The following HNF4G variants were observed in gnomAD, a reference collection of about 807,000 sequenced individuals.
HNF4G encodes the protein hepatocyte nuclear factor 4-gamma.
In HNF4G, 21 loss-of-function variants were observed where a neutral mutation model predicts 50.9. That is an observed-to-expected ratio of 0.41 (90% CI 0.29 to 0.59). The LOEUF (loss-of-function observed/expected upper bound fraction) is 0.59. Ranked by LOEUF, HNF4G falls within the 20% of genes least tolerant of loss-of-function variation. The pLI, the probability that HNF4G is intolerant of heterozygous loss-of-function variation, is 0.26. For missense variants in HNF4G, 527 were observed against 559.4 expected (o/e 0.94, Z 0.58); for synonymous variants, 198 against 185.6 (o/e 1.07, Z -0.54).
chr8:75,490,652 G>A (rs1285474791), intron 2 of HNF4G, among the ~76,000 whole-genome samples: 2 of 152,048 alleles, frequency 1.3e-5, no homozygotes, highest in African/African-American at 4.8e-5. Flanking sequence ...TAGAGTCAAT[G>A]TTCTGAAAAA....
At chr8:75,523,580 T>C (rs1806103019) in intron 2 of HNF4G, among the ~76,000 whole-genome samples, 1 of 152,158 alleles carries the variant, frequency 6.6e-6, no homozygotes, top group Non-Finnish European at 1.5e-5. Context: ...ATGTGAGTCA[T>C]TTTAGTGTAC....
chr8:75,436,162 T>C (rs1056601102), intron 1 of HNF4G, among the ~76,000 whole-genome samples: 14 of 152,182 alleles, frequency 9.2e-5, no homozygotes, highest in Admixed American at 5.2e-4. Context: ...AGAAGACAAA[T>C]AAATTAAAAA....
intron 1 of HNF4G, among the ~76,000 whole-genome samples, chr8:75,464,646 T>C (rs997741928): frequency 6.6e-6 from 1 of 152,230 alleles, no homozygotes; most frequent in Non-Finnish European, 1.5e-5. Flanking sequence ...ATTTTGCTTA[T>C]GTATTATTGT....
intron 1 of HNF4G, among the ~76,000 whole-genome samples, chr8:75,463,286 A>G (rs1328117421): frequency 1.3e-5 from 2 of 152,066 alleles, no homozygotes; most frequent in South Asian, 2.1e-4. Context: ...CCAACCTCAT[A>G]TTATAGGAAA....
In HNF4G at chr8:75,565,379, GATAAA is replaced by G. The variant is rs1807433158; in HGVS notation, c.*1290_*1294del. On this transcript the variant is annotated 3_prime_UTR_variant, in exon 10 of 10. Coordinates refer to ENST00000396423, the MANE Select transcript of HNF4G (RefSeq NM_004133.5). Reference sequence around the variant, plus strand: ...ACCAGACTTTCTCTTAAAAACATTAGATAAAATAAAAGATTCACCGGATGGATTCT... The same window carrying G: ...ACCAGACTTTCTCTTAAAAACATTAGATAAAAGATTCACCGGATGGATTCT... 1 of 152,062 alleles carries G rather than the reference GATAAA, an allele frequency of 6.6e-6. No homozygotes were observed. The highest frequency in any genetic ancestry group is 6.6e-5 in the Admixed American group (1 of 15,240). 9.4% of individuals were successfully genotyped at this position (152,062 alleles called of 1,614,324 possible). A position where few individuals can be genotyped will look rare whatever the true frequency, so the allele number is the denominator to read the frequency against.
chr8:75,423,639 C>T (rs567500031), intron 1 of HNF4G, among the ~76,000 whole-genome samples: 96 of 151,904 alleles, frequency 6.3e-4, no homozygotes, highest in African/African-American at 2.2e-3. Context: ...GCCTGCCCAC[C>T]TTGGGCTCCC....
At chr8:75,490,988 A>T (rs1812616325) in intron 2 of HNF4G, among the ~76,000 whole-genome samples, 1 of 152,140 alleles carries the variant, frequency 6.6e-6, no homozygotes, top group Admixed American at 6.6e-5. Context: ...AGTGCCTCTT[A>T]TAGTTTGGAA....
chr8:75,463,851 C>T (rs1377409790), intron 1 of HNF4G, among the ~76,000 whole-genome samples: 1 of 150,940 alleles, frequency 6.6e-6, no homozygotes, highest in African/African-American at 2.4e-5. Flanking sequence ...CTTGGCTCAC[C>T]ACACTCTCCA....
intron 1 of HNF4G, among the ~76,000 whole-genome samples, chr8:75,449,669 G>A (rs1441575310): frequency 6.6e-6 from 1 of 151,680 alleles, no homozygotes. Flanking sequence ...ACCACGCCAG[G>A]CTAATTTTTT....
Position 75,558,891 on chromosome 8 carries a change from A to G in HNF4G, c.977A>G (p.Tyr326Cys). 6.2e-7 allele frequency: 1 copy of G among 1,614,024 alleles called. No individual in the cohort carries two copies. The highest frequency in any genetic ancestry group is 8.5e-7 in the Non-Finnish European group (1 of 1,179,922). ...GAGGACTACATCAATGATCGGCAGTATGACTCCCGGGGGAGGTTTGGAGAG... is the reference window on the plus strand; with the variant it reads ...GAGGACTACATCAATGATCGGCAGTGTGACTCCCGGGGGAGGTTTGGAGAG... ...GLEDYINDRQYDSRGRFGELL... is the reference protein window; with the variant it reads ...GLEDYINDRQCDSRGRFGELL... Residue 326 changes from tyrosine to cysteine, a missense_variant, in exon 8 of 10, where the codon TAT becomes TGT. Transcript: ENST00000396423.
chr8:75,409,861 A>G (rs1810459307), intron 1 of HNF4G, among the ~76,000 whole-genome samples: 1 of 152,062 alleles, frequency 6.6e-6, no homozygotes, highest in Non-Finnish European at 1.5e-5. Flanking sequence ...ACAACATCAA[A>G]ATCGTAGTAA....
intron 1 of HNF4G, among the ~76,000 whole-genome samples, chr8:75,426,133 T>C (rs554072535): frequency 6.6e-6 from 1 of 152,228 alleles, no homozygotes; most frequent in Non-Finnish European, 1.5e-5. Flanking sequence ...TTTCTTTCCG[T>C]ATAAGCTTAC....
intron 1 of HNF4G, among the ~76,000 whole-genome samples, chr8:75,431,407 A>G (rs1027196535): frequency 1.3e-5 from 2 of 152,234 alleles, no homozygotes; most frequent in Non-Finnish European, 2.9e-5. Flanking sequence ...ACGGCTTGAT[A>G]TAGTGAAATC....
upstream of HNF4G, among the ~76,000 whole-genome samples, chr8:75,534,880 A>G (rs1325167335): frequency 6.6e-6 from 1 of 151,864 alleles, no homozygotes; most frequent in Non-Finnish European, 1.5e-5. Flanking sequence ...TAATAAAACT[A>G]TGTAAGCAAA....
intron 1 of HNF4G, among the ~76,000 whole-genome samples, chr8:75,409,119 G>A (rs1810432509): frequency 2.0e-5 from 3 of 152,166 alleles, no homozygotes; most frequent in African/African-American, 7.2e-5. Flanking sequence ...AGGTGACCAA[G>A]TAGTGTTGGG....
At chr8:75,503,913 A>G (rs1420968218) in intron 2 of HNF4G, among the ~76,000 whole-genome samples, 1 of 152,198 alleles carries the variant, frequency 6.6e-6, no homozygotes, top group Non-Finnish European at 1.5e-5. Flanking sequence ...ATTGTGGGTT[A>G]TGTTTAGAAT....
At chr8:75,497,576 C>T (rs932856873) in intron 2 of HNF4G, among the ~76,000 whole-genome samples, 6 of 151,528 alleles carry the variant, frequency 4.0e-5, no homozygotes, top group South Asian at 2.1e-4. Context: ...CCCAGCTACT[C>T]GGGAGGCTGA....
In HNF4G at chr8:75,499,601, C is replaced by T. The variant is rs554784262; in HGVS notation, c.-24+9393C>T. On this transcript the variant is annotated intron_variant, in intron 2 of 10. Coordinates refer to the HNF4G transcript ENST00000354370. Reference sequence around the variant, plus strand: ...AAGAAAATTTAACAACAAAAGAACACAGCTGAATGACCCACACTTTCCAAT... The same window carrying T: ...AAGAAAATTTAACAACAAAAGAACATAGCTGAATGACCCACACTTTCCAAT... 3.3e-3 allele frequency among the ~76,000 whole-genome samples: 494 copies of T among 151,230 alleles called. 3 individuals carry two copies. The highest frequency in any genetic ancestry group is 0.011 in the African/African-American group (472 of 41,206).
chr8:75,540,851 ATGTGTG>A (rs56799230), intron 1 of HNF4G, among the ~76,000 whole-genome samples: 190 of 146,468 alleles, frequency 1.3e-3, no homozygotes, highest in Middle Eastern at 6.9e-3. Context: ...GAAAATGTGT[ATGTGTG>A]TGTGTGTGTG....
Sources: gnomAD v4.1 joint callset for allele counts (sites outside exome capture counted in the v4.1 genomes callset) on GRCh38, gnomAD v4.1.1 for gene constraint, MANE v1.5 for transcripts, NCBI Gene and HGNC (gene_info 2026-07-23, HGNC 2026-07-21) for gene names.